The following SLIT2 variants were observed in gnomAD, a reference collection of about 807,000 sequenced individuals.
SLIT2 encodes slit homolog 2 protein.
SLIT2 carries 41 observed loss-of-function variants against 185.7 expected under a neutral mutation model. The ratio of observed to expected loss-of-function variants is 0.22; its 90% CI spans 0.17 to 0.29. The LOEUF (loss-of-function observed/expected upper bound fraction) is 0.29. Ranked by LOEUF, SLIT2 falls within the 10% of genes least tolerant of loss-of-function variation. The probability of loss-of-function intolerance (pLI) is 1.00; values close to 1 mark genes in which losing one functional copy is unlikely to be tolerated. For synonymous variants in SLIT2, 693 were observed against 680.2 expected, an observed-to-expected ratio of 1.02 and a Z score of -0.29; for missense variants, 1,571 against 1,909.0, an observed-to-expected ratio of 0.82 and a Z score of 3.30.
intron 4 of SLIT2, among the ~76,000 whole-genome samples, chr4:20,430,031 T>TAATA (rs1728851091): frequency 6.6e-6 from 1 of 152,270 alleles, no homozygotes; most frequent in Non-Finnish European, 1.5e-5. Context: ...AAAGTTTATA[T>TAATA]GAGTTTTTTT....
At chr4:20,533,239 G>A (rs1721961819) in intron 17 of SLIT2, among the ~76,000 whole-genome samples, 3 of 152,064 alleles carry the variant, frequency 2.0e-5, no homozygotes, top group Non-Finnish European at 1.5e-5. Context: ...TTTTAATCAG[G>A]GACTTTTTTT....
intron 21 of SLIT2, among the ~76,000 whole-genome samples, chr4:20,545,641 TATTAAGGCAGCA>T (rs1405277460): frequency 3.3e-5 from 5 of 152,202 alleles, no homozygotes; most frequent in African/African-American, 1.2e-4. Context: ...TATTGACACA[TATTAAGGCAGCA>T]ATGAGTGGTC....
At chr4:20,384,062 G>A (rs1369347759) in intron 4 of SLIT2, among the ~76,000 whole-genome samples, 1 of 149,978 alleles carries the variant, frequency 6.7e-6, no homozygotes, top group Admixed American at 6.7e-5. Context: ...TTCACACCAA[G>A]GCTTATATGC....
At chr4:20,469,647 A>T (rs1247326549) in intron 5 of SLIT2, among the ~76,000 whole-genome samples, 3 of 151,816 alleles carry the variant, frequency 2.0e-5, no homozygotes, top group Non-Finnish European at 4.4e-5. Flanking sequence ...TAAAATTATT[A>T]ATGCAGTTAG....
chr4:20,474,717 T>C (rs1487184969), intron 5 of SLIT2, among the ~76,000 whole-genome samples: 1 of 152,068 alleles, frequency 6.6e-6, no homozygotes, highest in Non-Finnish European at 1.5e-5. Flanking sequence ...TCTGAACTCT[T>C]AAAATAGCCT....
chr4:20,258,125 G>T (rs558332664), intron 3 of SLIT2, among the ~76,000 whole-genome samples, 186 bp downstream of exon 3: 7 of 151,834 alleles, frequency 4.6e-5, no homozygotes, highest in Non-Finnish European at 1.0e-4. Context: ...GTTCTAACTT[G>T]TAATTAAGCT....
chr4:20,530,079 C>T (rs1052051517), intron 16 of SLIT2, among the ~76,000 whole-genome samples: 1 of 146,728 alleles, frequency 6.8e-6, no homozygotes, highest in Non-Finnish European at 1.5e-5. Flanking sequence ...CAGAAACCCA[C>T]TATCTTGTAG....
At chr4:20,534,036 C>A (rs546708207) in intron 18 of SLIT2, among the ~76,000 whole-genome samples, 3 of 152,300 alleles carry the variant, frequency 2.0e-5, no homozygotes, top group African/African-American at 7.2e-5. Context: ...GAGCGTCCCC[C>A]ATGGCTTCTG....
chr4:20,319,092 G>A (rs567337491), intron 4 of SLIT2, among the ~76,000 whole-genome samples: 5 of 152,270 alleles, frequency 3.3e-5, no homozygotes, highest in African/African-American at 9.6e-5. Context: ...GGGGGTAGAT[G>A]TAATTATATA....
intron 29 of SLIT2, among the ~76,000 whole-genome samples, chr4:20,582,959 C>T (rs565037410): frequency 2.0e-5 from 3 of 152,262 alleles, no homozygotes; most frequent in African/African-American, 4.8e-5. Context: ...AGATAATTTA[C>T]GTGCTGGGTG....
At chr4:20,536,477 G>C (rs1722294793) in intron 18 of SLIT2, among the ~76,000 whole-genome samples, 1 of 145,752 alleles carries the variant, frequency 6.9e-6, no homozygotes, top group African/African-American at 2.5e-5. Flanking sequence ...AGAATTGCTT[G>C]AACCCGGGAG....
intron 4 of SLIT2, among the ~76,000 whole-genome samples, chr4:20,411,199 G>T (rs1036299520): frequency 2.6e-5 from 4 of 152,100 alleles, no homozygotes; most frequent in Non-Finnish European, 5.9e-5. Flanking sequence ...TGAAGCACTG[G>T]CTTCCTCATT....
chr4:20,288,450 C>T (rs1409795804), intron 4 of SLIT2, among the ~76,000 whole-genome samples: 3 of 152,170 alleles, frequency 2.0e-5, no homozygotes, highest in African/African-American at 4.8e-5. Context: ...GTGCTCTGCA[C>T]GTGTGCATGA....
At chr4:20,255,447 C>T in intron 1 of SLIT2, among the ~76,000 whole-genome samples, 1 of 152,174 alleles carries the variant, frequency 6.6e-6, no homozygotes, top group East Asian at 1.9e-4. Context: ...ATTCGATCCA[C>T]ATTTGTGTAG....
At chr4:20,474,055 G>T (rs370081513) in intron 5 of SLIT2, among the ~76,000 whole-genome samples, 2 of 151,970 alleles carry the variant, frequency 1.3e-5, no homozygotes, top group African/African-American at 4.8e-5. Flanking sequence ...TGGTAGGTTG[G>T]TTTCTCATTT....
At chr4:20,597,314 C>G (rs1321784784) in intron 32 of SLIT2, among the ~76,000 whole-genome samples, 1 of 152,056 alleles carries the variant, frequency 6.6e-6, no homozygotes, top group East Asian at 1.9e-4. Context: ...GTGATCTACC[C>G]ACTTCGGCCT....
intron 4 of SLIT2, among the ~76,000 whole-genome samples, chr4:20,340,834 C>T (rs1286174927): frequency 6.6e-6 from 1 of 152,128 alleles, no homozygotes; most frequent in East Asian, 1.9e-4. Context: ...ATCTCCTGAC[C>T]TCGTGATCGG....
chr4:20,344,544 G>A (rs1721227525), intron 4 of SLIT2, among the ~76,000 whole-genome samples: 1 of 152,138 alleles, frequency 6.6e-6, no homozygotes, highest in African/African-American at 2.4e-5. Context: ...GCCATCTGTT[G>A]TGACTGACTG....
intron 4 of SLIT2, among the ~76,000 whole-genome samples, chr4:20,404,235 G>A (rs1726589478): frequency 6.6e-6 from 1 of 151,968 alleles, no homozygotes; most frequent in South Asian, 2.1e-4. Flanking sequence ...ATTCTTAAGT[G>A]TATTAAGCAG....
Sources: gnomAD v4.1 joint callset for allele counts (sites outside exome capture counted in the v4.1 genomes callset) on GRCh38, gnomAD v4.1.1 for gene constraint, MANE v1.5 for transcripts, NCBI Gene and HGNC (gene_info 2026-07-23, HGNC 2026-07-21) for gene names.